Variants in HSF1 observed in about 807,000 individuals in gnomAD.
The protein encoded by HSF1 is heat shock factor protein 1.
In HSF1, 32 loss-of-function variants were observed where a neutral mutation model predicts 51.7. That is an observed-to-expected ratio of 0.62 (90% CI 0.47 to 0.83). HSF1 has a LOEUF of 0.83. Ranked by LOEUF, HSF1 falls within the 40% of genes least tolerant of loss-of-function variation. The probability of loss-of-function intolerance (pLI) is 0.00; values close to 1 mark genes in which losing one functional copy is unlikely to be tolerated. For synonymous variants in HSF1, 396 were observed against 309.7 expected (o/e 1.28, Z -2.92); for missense variants, 727 against 717.0 (o/e 1.01, Z -0.16).
intron 9 of HSF1, 122 bp from the exon 10 acceptor site, chr8:144,313,389 G>C: frequency 1.5e-6 from 1 of 667,308 alleles, no homozygotes; most frequent in Non-Finnish European, 2.7e-6. Context: ...CCTCCAGCCT[G>C]TGCAGGCGTA....
chr8:144,301,745 G>T (rs1378333234), intron 1 of HSF1, among the ~76,000 whole-genome samples: 11 of 150,026 alleles, frequency 7.3e-5, no homozygotes, highest in Admixed American at 6.6e-4. Context: ...GGTGCCTGTA[G>T]TCCTAGCTAC....
chr8:144,299,008 A>G (rs1554841808), intron 1 of HSF1, among the ~76,000 whole-genome samples: 1 of 152,232 alleles, frequency 6.6e-6, no homozygotes, highest in East Asian at 1.9e-4. Context: ...AGGAGCTTTC[A>G]TGACACCTTA....
In HSF1 at chr8:144,308,274, G is replaced by A. The variant is rs541951660; in HGVS notation, c.118-632G>A. On this transcript the variant is annotated intron_variant, in intron 1 of 12. Coordinates refer to ENST00000528838, the MANE Select transcript of HSF1 (RefSeq NM_005526.4). ...GTCCCCTCTGAGCCACCGCGGCCAC[G>A]GCCAACAGGGATGCCTCCCTCACCA... 6.6e-5 allele frequency among the ~76,000 whole-genome samples: 10 copies of A among 152,314 alleles called. No individual in the cohort carries two copies. The South Asian group carries it at 1.9e-3, about 28-fold the overall frequency.
chr8:144,297,125 G>C lies in HSF1; in HGVS notation c.117+5251G>C, dbSNP rs1554841440. Among the ~76,000 whole-genome samples, 1 of 152,218 alleles carries C rather than the reference G, an allele frequency of 6.6e-6. No homozygotes were observed. The highest frequency in any genetic ancestry group is 1.5e-5 in the Non-Finnish European group (1 of 68,036). ...CAGTTTTGGAGGAGTCAGCCTGTGT[G>C]CAGGGCGAGCTGGAGAGGGGTCGGT... On this transcript the variant is annotated intron_variant, in intron 1 of 12. Coordinates refer to ENST00000528838, the MANE Select transcript of HSF1 (RefSeq NM_005526.4). This position sits in a 1 kb window ranked among gnomAD's most constrained non-coding sequence, Gnocchi z 4.6.
intron 1 of HSF1, among the ~76,000 whole-genome samples, chr8:144,302,357 A>AT (rs1373962393): frequency 1.3e-5 from 2 of 150,226 alleles, no homozygotes; most frequent in Non-Finnish European, 3.0e-5. Flanking sequence ...AAATACAAAA[A>AT]TTAGCTGGGC....
rs375410562 is a variant in HSF1, at chr8:144,294,383, C to T, written c.117+2509C>T. Among the ~76,000 whole-genome samples, 35 of 152,280 alleles carry T rather than the reference C, an allele frequency of 2.3e-4. 1 individual carries two copies. The highest frequency in any genetic ancestry group is 7.9e-4 in the African/African-American group (33 of 41,558). ...CCAGGCCCAGCTGGCTCTCGGAGGC[C>T]TTGAGAAGGCCCTGGTGCTCTTGCT... On this transcript the variant is annotated intron_variant, in intron 1 of 12. Transcript: ENST00000528838.
rs781965563 is a variant in HSF1, at chr8:144,313,634, G to GCCCCGCCT, written c.1248+26_1248+33dup. On this transcript the variant is annotated intron_variant, in intron 10 of 12. Coordinates refer to ENST00000528838, the MANE Select transcript of HSF1 (RefSeq NM_005526.4). ...TGCTGGACGTGAGTGGAGCCCCGCC[G>GCCCCGCCT]CCCCGCCTCCCCGCCCCGCCTCCCC... 8.8e-6 allele frequency: 5 copies of GCCCCGCCT among 568,802 alleles called. No homozygotes were observed. In the African/African-American group the frequency reaches 1.6e-4, roughly 18 times the overall value. The allele number at this position is 568,802 out of a possible 1,614,324, so 35.2% of individuals were successfully genotyped here.
chr8:144,292,789 C>T (rs1815185467), intron 1 of HSF1: 1 of 152,218 alleles, frequency 6.6e-6, no homozygotes, highest in Non-Finnish European at 1.5e-5. Flanking sequence ...GGCAAAACCC[C>T]AGCTCTACTA....
At chr8:144,299,247 G>A (rs1554841820) in intron 1 of HSF1, among the ~76,000 whole-genome samples, 1 of 151,838 alleles carries the variant, frequency 6.6e-6, no homozygotes, top group African/African-American at 2.4e-5. Flanking sequence ...TTCAAGACCA[G>A]CCTGGCCAAT....
At position 144,313,924 on chromosome 8, in the gene HSF1, G is replaced by C. The variant is rs1554845886; in HGVS notation, c.1314+13G>C. ...CAGCCTGGCCAGTGTGCGTAGGCGGGCGGGGGGTGAGGGGGAACGAGACCA... is the reference window on the plus strand; with the variant it reads ...CAGCCTGGCCAGTGTGCGTAGGCGGCCGGGGGGTGAGGGGGAACGAGACCA... On this transcript the variant is annotated intron_variant, in intron 11 of 12. Coordinates refer to ENST00000528838, the MANE Select transcript of HSF1 (RefSeq NM_005526.4). 1 of 1,610,002 alleles carries C rather than the reference G, an allele frequency of 6.2e-7. No homozygotes were observed. Among genetic ancestry groups the C allele is most frequent in the East Asian group, 2.2e-5 (1 of 44,734 alleles).
chr8:144,303,201 G>T (rs1484032138), intron 1 of HSF1, among the ~76,000 whole-genome samples: 1 of 152,018 alleles, frequency 6.6e-6, no homozygotes, highest in Non-Finnish European at 1.5e-5. Flanking sequence ...TCGCTATTTG[G>T]ATTATTGTTG....
chr8:144,314,091 AC>A (rs1395677050), intron 12 of HSF1, 33 bp from the exon 13 acceptor site: 7 of 1,151,538 alleles, frequency 6.1e-6, no homozygotes, highest in Non-Finnish European at 7.0e-6. Flanking sequence ...TCTGCCCCCA[AC>A]CCCCCACCGC....
intron 1 of HSF1, among the ~76,000 whole-genome samples, chr8:144,296,536 C>T (rs1384398894): frequency 2.0e-5 from 3 of 152,082 alleles, no homozygotes; most frequent in African/African-American, 7.2e-5. Flanking sequence ...TGGTGGCTCA[C>T]GCCTGTAATC....
At chr8:144,303,352 C>G (rs1015833549) in intron 1 of HSF1, among the ~76,000 whole-genome samples, 29 of 152,012 alleles carry the variant, frequency 1.9e-4, no homozygotes, top group African/African-American at 6.0e-4. Flanking sequence ...CTTAGAGGAG[C>G]TGTTGTTCCC....
chr8:144,304,238 AG>A (rs1329886668), intron 1 of HSF1, among the ~76,000 whole-genome samples: 14 of 152,216 alleles, frequency 9.2e-5, no homozygotes, highest in Admixed American at 2.6e-4. Context: ...GCTGAGGCTC[AG>A]ATGCCACCAG....
At chr8:144,303,216 C>A (rs1240086098) in intron 1 of HSF1, among the ~76,000 whole-genome samples, 1 of 151,892 alleles carries the variant, frequency 6.6e-6, no homozygotes, top group Admixed American at 6.6e-5. Context: ...TTGTTGCAGG[C>A]GTGTTTGGGG....
intron 2 of HSF1, 98 bp downstream of exon 2, chr8:144,309,112 T>A: frequency 1.0e-6 from 1 of 988,560 alleles, no homozygotes; most frequent in Admixed American, 1.9e-5. Context: ...CGGGGCGTCC[T>A]GTGCTGGCCA....
chr8:144,300,400 G>C (rs1660435404), intron 1 of HSF1, among the ~76,000 whole-genome samples: 1 of 152,040 alleles, frequency 6.6e-6, no homozygotes, highest in Middle Eastern at 3.4e-3. Context: ...TGTATTTTTA[G>C]TAGAGATGGG....
rs978306824 is a variant in HSF1 at position 144,297,083 on chromosome 8, T to C, written c.117+5209T>C. Among the ~76,000 whole-genome samples the C allele has an allele frequency of 5.9e-5, 9 of 152,240 alleles. No individual in the cohort carries two copies. The highest frequency in any genetic ancestry group is 2.2e-4 in the African/African-American group (9 of 41,532). On this transcript the variant is annotated intron_variant, in intron 1 of 12. Coordinates refer to ENST00000528838, the MANE Select transcript of HSF1 (RefSeq NM_005526.4). The surrounding 1 kb of genome is among the most constrained non-coding windows in gnomAD (Gnocchi z 4.6). The stretch of plus-strand genomic sequence containing the variant: ...ATTGAGGGACCAGGGATGGACAGCC[T>C]GGCCCTGAAAGTCTCTCAGTTTTGG...
Sources: gnomAD v4.1 joint callset for allele counts (sites outside exome capture counted in the v4.1 genomes callset) on GRCh38, gnomAD v4.1.1 for gene constraint, Gnocchi (gnomAD v3.1) non-coding constraint, MANE v1.5 for transcripts, NCBI Gene and HGNC (gene_info 2026-07-23, HGNC 2026-07-21) for gene names.